The following FLVCR2 variants were observed in gnomAD, a reference collection of about 807,000 sequenced individuals.
FLVCR2 encodes choline/ethanolamine transporter FLVCR2.
In FLVCR2, 38 loss-of-function variants were observed where a neutral mutation model predicts 48.9. The observed-to-expected ratio is 0.78, with a 90% CI of 0.60 to 1.02. The LOEUF (loss-of-function observed/expected upper bound fraction) is 1.02. FLVCR2 is among the 50% of genes least tolerant of loss of function. The pLI is 0.00. For missense variants in FLVCR2, 664 were observed against 663.3 expected (o/e 1.00, Z -0.01); for synonymous variants, 255 against 257.0 (o/e 0.99, Z 0.07).
intron 1 of FLVCR2, among the ~76,000 whole-genome samples, chr14:75,612,079 C>T (rs891837046): frequency 8.3e-4 from 126 of 152,108 alleles, no homozygotes; most frequent in African/African-American, 2.9e-3. Flanking sequence ...TAGGGGAGCA[C>T]GCCTTCTATT....
intron 5 of FLVCR2, 58 bp downstream of exon 5, chr14:75,635,071 T>A: frequency 8.8e-7 from 1 of 1,142,824 alleles, no homozygotes; most frequent in Admixed American, 1.8e-5. Flanking sequence ...AAATGACATA[T>A]TCATAAGCAG....
intron 1 of FLVCR2, among the ~76,000 whole-genome samples, chr14:75,616,318 T>G (rs959550667): frequency 2.0e-5 from 3 of 151,194 alleles, no homozygotes; most frequent in Non-Finnish European, 4.4e-5. Flanking sequence ...AGAGTGAGAC[T>G]CTGTCTCAAA....
intron 1 of FLVCR2, among the ~76,000 whole-genome samples, chr14:75,616,358 A>G (rs1206267547): frequency 6.6e-6 from 1 of 152,088 alleles, no homozygotes; most frequent in African/African-American, 2.4e-5. Context: ...TTTAAAAAAT[A>G]AAAATAGCAT....
Position 75,606,860 on chromosome 14 carries a change from C to T in FLVCR2, c.670-15219C>T, listed in dbSNP as rs548013851. 2.8e-4 allele frequency among the ~76,000 whole-genome samples: 42 copies of T among 152,062 alleles called. 1 individual carries two copies. In the South Asian group the frequency reaches 7.5e-3, roughly 27 times the overall value. ...CCAGGAGGCTGAGGTTGGGGGATCACCTGAGCCTGGGAGGTGGAGGTTGCA... is the reference window on the plus strand; with the variant it reads ...CCAGGAGGCTGAGGTTGGGGGATCATCTGAGCCTGGGAGGTGGAGGTTGCA... On this transcript the variant is annotated intron_variant, in intron 1 of 9. Coordinates refer to ENST00000238667, the MANE Select transcript of FLVCR2 (RefSeq NM_017791.3).
chr14:75,584,282 G>C (rs1051002360), intron 1 of FLVCR2, among the ~76,000 whole-genome samples: 2 of 152,200 alleles, frequency 1.3e-5, no homozygotes, highest in African/African-American at 2.4e-5. Context: ...TTACTGTCTG[G>C]CTACCTCCTA....
At position 75,633,633 on chromosome 14, in the gene FLVCR2, G is replaced by A; in HGVS notation, c.957G>A (p.Leu319=). 2 of 1,613,882 alleles carry A rather than the reference G, an allele frequency of 1.2e-6. No homozygotes were observed. Among genetic ancestry groups the A allele is most frequent in the Non-Finnish European group, 1.7e-6 (2 of 1,179,732 alleles). Residue 319 remains leucine (L), a synonymous_variant, in exon 4 of 10, where the codon CTG becomes CTA. Transcript: ENST00000238667. The part of the protein sequence containing the change: ...NFVLLVITYG[L]NAGAFYALST... ...ATTTCTCGCTCCCTTCTTCAGGTCTGAATGCTGGTGCTTTTTATGCCTTGT... is the reference window on the plus strand; with the variant it reads ...ATTTCTCGCTCCCTTCTTCAGGTCTAAATGCTGGTGCTTTTTATGCCTTGT...
In FLVCR2 at chr14:75,638,415, C is replaced by T. The variant is rs530033947; in HGVS notation, c.1125-937C>T. 1.1e-4 allele frequency among the ~76,000 whole-genome samples: 16 copies of T among 151,530 alleles called. No homozygotes were observed. The East Asian group carries it at 2.0e-3, about 18-fold the overall frequency. On this transcript the variant is annotated intron_variant, in intron 5 of 9. Coordinates refer to ENST00000238667, the MANE Select transcript of FLVCR2 (RefSeq NM_017791.3). ...TCACGCCACTGCACCCCAGCCTGTG[C>T]GACAAGAGCGAAACTCCATCTCAAA...
At chr14:75,587,666 A>G (rs1221795148) in intron 1 of FLVCR2, among the ~76,000 whole-genome samples, 4 of 152,180 alleles carry the variant, frequency 2.6e-5, no homozygotes. Flanking sequence ...ATTTTTAGCA[A>G]CACTTGTAGC....
chr14:75,579,486 C>T lies in FLVCR2; in HGVS notation c.514C>T (p.Leu172=). The T allele has an allele frequency of 6.2e-7, 1 of 1,613,066 alleles. No homozygotes were observed. Among genetic ancestry groups the T allele is most frequent in the Non-Finnish European group, 8.5e-7 (1 of 1,179,212 alleles). The change falls in exon 1 of 10, where the codon CTG becomes TTG. Residue 172 remains leucine (L), a synonymous_variant. Coordinates refer to ENST00000238667, the MANE Select transcript of FLVCR2 (RefSeq NM_017791.3). ...CLGAWVKLGS[L]KPHLFPVTVV... is the part of the protein sequence containing the mutation. ...GGGGGCCTGGGTGAAGCTGGGCAGCCTGAAGCCGCATCTCTTTCCGGTCAC... is the reference window on the plus strand; with the variant it reads ...GGGGGCCTGGGTGAAGCTGGGCAGCTTGAAGCCGCATCTCTTTCCGGTCAC...
chr14:75,633,581 C>T lies in FLVCR2; in HGVS notation c.953-48C>T, dbSNP rs374886567. ...GCTGGGGGAGAAGTTAGCAATGGCC[C>T]CAGAAGAAAGCTGACCCTAATGTTG... On this transcript the variant is annotated intron_variant, in intron 3 of 9. Transcript: ENST00000238667. The T allele has an allele frequency of 1.5e-5, 22 of 1,482,320 alleles. No homozygotes were observed. The African/African-American group carries it at 2.2e-4, about 15-fold the overall frequency. The allele number at this position is 1,482,320 out of a possible 1,614,324, so 91.8% of individuals were successfully genotyped here.
rs1889781705 is a variant in FLVCR2 at position 75,622,103 on chromosome 14, G to T, written c.694G>T (p.Val232Phe). The stretch of plus-strand genomic sequence containing the variant: ...GCTTGGAATTGCGATTGGGTTCTTG[G>T]TCCCTCCTGTTTTGGTACCCAACAT... ...NQLGIAIGFL[V>F]PPVLVPNIED... Residue 232 changes from valine (V) to phenylalanine (F), a missense_variant, in exon 2 of 10, where the codon GTC (valine) becomes TTC (phenylalanine). Physicochemically the swap from Val to Phe is conservative, Grantham distance 50. Coordinates refer to ENST00000238667, the MANE Select transcript of FLVCR2 (RefSeq NM_017791.3). The T allele has an allele frequency of 6.2e-7, 1 of 1,613,976 alleles. No individual in the cohort carries two copies. Among genetic ancestry groups the T allele is most frequent in the African/African-American group, 1.3e-5 (1 of 74,874 alleles).
chr14:75,584,877 T>C (rs1266337277), intron 1 of FLVCR2, among the ~76,000 whole-genome samples: 1 of 152,220 alleles, frequency 6.6e-6, no homozygotes, highest in African/African-American at 2.4e-5. Context: ...TGCTGGCTGA[T>C]TTGGGAAAGG....
At chr14:75,607,280 A>G (rs1355229430) in intron 1 of FLVCR2, among the ~76,000 whole-genome samples, 1 of 152,236 alleles carries the variant, frequency 6.6e-6, no homozygotes, top group Non-Finnish European at 1.5e-5. Context: ...TACTGAGTCC[A>G]TATCTATCTT....
At position 75,634,860 on chromosome 14, in the gene FLVCR2, C is replaced by T. The variant is rs200059753; in HGVS notation, c.1021-50C>T. 1.2e-4 allele frequency: 151 copies of T among 1,283,474 alleles called. No homozygotes were observed. In the Admixed American group the frequency reaches 2.6e-3, roughly 22 times the overall value. 79.5% of individuals were successfully genotyped at this position (1,283,474 alleles called of 1,614,324 possible). A position where few individuals can be genotyped will look rare whatever the true frequency, so the allele number is the denominator to read the frequency against. The stretch of plus-strand genomic sequence containing the variant: ...CACCCCATGGTGACTGTGCTCTGTC[C>T]TGGGTCTTGTCCCATCGCCGGGTGA... On this transcript the variant is annotated intron_variant, in intron 4 of 9. Coordinates refer to ENST00000238667, the MANE Select transcript of FLVCR2 (RefSeq NM_017791.3).
chr14:75,582,991 G>A (rs8181959), intron 1 of FLVCR2, among the ~76,000 whole-genome samples: 84,117 of 152,096 alleles, frequency 0.55, 26,940 homozygotes, highest in African/African-American at 0.88. Flanking sequence ...TGAAGACGAA[G>A]TTTGGGCTTG....
At chr14:75,624,148 G>A (rs908074763) in intron 2 of FLVCR2, among the ~76,000 whole-genome samples, 1 of 152,078 alleles carries the variant, frequency 6.6e-6, no homozygotes. Flanking sequence ...AATCGCTTGA[G>A]CTCAGAAGTT....
chr14:75,605,026 A>G (rs1248422744), intron 1 of FLVCR2, among the ~76,000 whole-genome samples: 3 of 152,112 alleles, frequency 2.0e-5, no homozygotes, highest in Admixed American at 6.5e-5. Flanking sequence ...GACTGAAGGA[A>G]GCGGGCAGGG....
chr14:75,624,990 C>T (rs1204628065), intron 3 of FLVCR2, among the ~76,000 whole-genome samples: 1 of 149,776 alleles, frequency 6.7e-6, no homozygotes, highest in Admixed American at 6.6e-5. Context: ...TCCTCCAAGT[C>T]TCATCTCAGT....
chr14:75,581,017 A>G (rs1221841502), intron 1 of FLVCR2, among the ~76,000 whole-genome samples: 1 of 152,100 alleles, frequency 6.6e-6, no homozygotes, highest in African/African-American at 2.4e-5. Context: ...ATGGAGAGAT[A>G]ATGGGAGATG....
Sources: gnomAD v4.1 joint callset for allele counts (sites outside exome capture counted in the v4.1 genomes callset) on GRCh38, gnomAD v4.1.1 for gene constraint, MANE v1.5 for transcripts, NCBI Gene and HGNC (gene_info 2026-07-23, HGNC 2026-07-21) for gene names.